DLC1: variants seen among roughly 807,000 people sequenced by gnomAD.
The protein encoded by DLC1 is DLC1 Rho GTPase activating protein.
A neutral mutation model predicts 140.3 loss-of-function variants in DLC1; 54 were observed. The ratio of observed to expected loss-of-function variants is 0.38; its 90% CI spans 0.31 to 0.48. DLC1 has a LOEUF of 0.48. DLC1 is among the 20% of genes least tolerant of loss of function. DLC1 has a pLI of 0.96. For missense variants in DLC1, 2,536 were observed against 1,907.0 expected (o/e 1.33, Z -6.14); for synonymous variants, 986 against 728.1 (o/e 1.35, Z -5.70).
intron 5 of DLC1, among the ~76,000 whole-genome samples, chr8:13,121,171 T>C (rs1266396655): frequency 6.6e-6 from 1 of 152,132 alleles, no homozygotes; most frequent in Non-Finnish European, 1.5e-5. Flanking sequence ...TCCCTAAAAT[T>C]TGATAGACAT....
chr8:13,543,425 T>A (rs1343112218), intron 1 of DLC1, among the ~76,000 whole-genome samples: 1 of 152,168 alleles, frequency 6.6e-6, no homozygotes, highest in East Asian at 1.9e-4. Flanking sequence ...CTTCTTTTCC[T>A]TTGGGTAAAT....
At chr8:13,191,649 G>A (rs1027918722) in intron 5 of DLC1, among the ~76,000 whole-genome samples, 4 of 152,136 alleles carry the variant, frequency 2.6e-5, no homozygotes, top group Non-Finnish European at 2.9e-5. Context: ...GAATCACAAT[G>A]TTAAATCAAT....
chr8:13,433,540 A>C (rs1360637403), intron 2 of DLC1, among the ~76,000 whole-genome samples: 4 of 152,246 alleles, frequency 2.6e-5, no homozygotes, highest in Non-Finnish European at 5.9e-5. Flanking sequence ...GATAAATCCA[A>C]CTATAAGTTC....
intron 4 of DLC1, among the ~76,000 whole-genome samples, chr8:13,316,114 C>A (rs1372865960): frequency 1.3e-5 from 2 of 152,184 alleles, no homozygotes; most frequent in African/African-American, 4.8e-5. Context: ...TACACTCAGA[C>A]ACAAGTGGTT....
At chr8:13,322,245 C>CT (rs1563252342) in intron 4 of DLC1, among the ~76,000 whole-genome samples, 2 of 152,032 alleles carry the variant, frequency 1.3e-5, no homozygotes. Flanking sequence ...TGTTGAATAC[C>CT]TTTGATCATT....
In DLC1 at chr8:13,482,434, T is replaced by C. The variant is rs1275076800; in HGVS notation, c.1023+16615A>G. Among the ~76,000 whole-genome samples, 3 of 152,210 alleles carry C rather than the reference T, an allele frequency of 2.0e-5. No homozygotes were observed. The South Asian group carries it at 6.2e-4, about 31-fold the overall frequency. On this transcript the variant is annotated intron_variant, in intron 2 of 17. Coordinates refer to ENST00000276297, the MANE Select transcript of DLC1 (RefSeq NM_182643.3). ...TAAAAAGATAAAAATAGTTGATGAA[T>C]AGAGCAATGCTGTCTGACTAGAAGT...
At chr8:13,113,202 A>G (rs1455157524) in intron 6 of DLC1, among the ~76,000 whole-genome samples, 1 of 152,244 alleles carries the variant, frequency 6.6e-6, no homozygotes, top group Admixed American at 6.5e-5. Flanking sequence ...TGTATAGAAG[A>G]TGTTCTCTGA....
intron 3 of DLC1, among the ~76,000 whole-genome samples, chr8:13,397,076 C>A (rs903172089): frequency 6.6e-6 from 1 of 151,996 alleles, no homozygotes; most frequent in African/African-American, 2.4e-5. Context: ...GGGTTTTTAT[C>A]ATGGCAGGGA....
intron 5 of DLC1, among the ~76,000 whole-genome samples, chr8:13,190,494 T>C (rs982899643): frequency 1.1e-4 from 16 of 152,186 alleles, no homozygotes; most frequent in African/African-American, 1.9e-4. Flanking sequence ...ATTCCCCTTA[T>C]AGGGTTTATG....
At chr8:13,230,675 C>T (rs1268322786) in intron 5 of DLC1, among the ~76,000 whole-genome samples, 2 of 150,078 alleles carry the variant, frequency 1.3e-5, no homozygotes, top group Non-Finnish European at 3.0e-5. Context: ...CAGCTCACTG[C>T]AACCTCTACC....
intron 5 of DLC1, among the ~76,000 whole-genome samples, chr8:13,197,943 T>C (rs568287849): frequency 3.3e-5 from 5 of 152,206 alleles, no homozygotes; most frequent in East Asian, 3.9e-4. Flanking sequence ...GAATGAAGTA[T>C]TTCATTTAAA....
At chr8:13,219,411 C>CATATAATTATATAATTA (rs1828431940) in intron 5 of DLC1, among the ~76,000 whole-genome samples, 1 of 145,030 alleles carries the variant, frequency 6.9e-6, no homozygotes, top group African/African-American at 2.5e-5. Context: ...TTATATAATT[C>CATATAATTATATAATTA]ATATAATTAT....
intron 1 of DLC1, among the ~76,000 whole-genome samples, chr8:13,504,315 A>C (rs1257234852): frequency 6.6e-6 from 1 of 152,024 alleles, no homozygotes; most frequent in East Asian, 1.9e-4. Flanking sequence ...TCCTAGAGAC[A>C]GTTTTCTTCA....
intron 4 of DLC1, among the ~76,000 whole-genome samples, chr8:13,369,064 T>G (rs1013061223): frequency 2.6e-5 from 4 of 152,160 alleles, no homozygotes; most frequent in Admixed American, 2.0e-4. Flanking sequence ...TCAAATGATC[T>G]GATTGCCTCA....
At chr8:13,310,807 G>A (rs1003043221) in intron 4 of DLC1, among the ~76,000 whole-genome samples, 1 of 152,146 alleles carries the variant, frequency 6.6e-6, no homozygotes, top group East Asian at 1.9e-4. Context: ...AGCTTTGACA[G>A]TCATCATTCT....
At chr8:13,579,355 AT>A (rs1563454056) in intron 1 of DLC1, among the ~76,000 whole-genome samples, 280 of 25,300 alleles carry the variant, frequency 0.011, 90 homozygotes, top group Non-Finnish European at 0.016. Flanking sequence ...ATATATATAT[AT>A]ATATATTTTT....
chr8:13,365,948 G>A (rs777265298), intron 4 of DLC1, among the ~76,000 whole-genome samples: 3 of 152,214 alleles, frequency 2.0e-5, no homozygotes, highest in Admixed American at 6.5e-5. Context: ...TTCATCTTCC[G>A]CAAAGAGAGG....
chr8:13,440,957 T>C (rs1271062889), intron 2 of DLC1, among the ~76,000 whole-genome samples: 2 of 152,186 alleles, frequency 1.3e-5, no homozygotes, highest in South Asian at 2.1e-4. Flanking sequence ...AAAACGGTGC[T>C]ATTTTCATGA....
At chr8:13,527,180 A>G (rs928578373) in intron 1 of DLC1, among the ~76,000 whole-genome samples, 1 of 152,218 alleles carries the variant, frequency 6.6e-6, no homozygotes, top group Non-Finnish European at 1.5e-5. Context: ...AATCTACATT[A>G]CAATGTTGAA....
Sources: gnomAD v4.1 joint callset for allele counts (sites outside exome capture counted in the v4.1 genomes callset) on GRCh38, gnomAD v4.1.1 for gene constraint, MANE v1.5 for transcripts, NCBI Gene and HGNC (gene_info 2026-07-23, HGNC 2026-07-21) for gene names.